The following IMMP2L variants were observed in gnomAD, a reference collection of about 807,000 sequenced individuals.
The protein encoded by IMMP2L is mitochondrial inner membrane protease subunit 2.
In IMMP2L, 18 loss-of-function variants were observed where a neutral mutation model predicts 19.3. That is an observed-to-expected ratio of 0.93 (90% CI 0.64 to 1.38). The LOEUF is 1.38. Among genes scored for constraint, IMMP2L ranks in the 40% most tolerant of loss-of-function variants. The pLI, the probability that IMMP2L is intolerant of heterozygous loss-of-function variation, is 0.00. For synonymous variants in IMMP2L, 76 were observed against 73.0 expected, an observed-to-expected ratio of 1.04 and a Z score of -0.21; for missense variants, 233 against 218.2, an observed-to-expected ratio of 1.07 and a Z score of -0.43.
chr7:111,229,894 G>A (rs1387526925), intron 3 of IMMP2L, among the ~76,000 whole-genome samples: 2 of 151,946 alleles, frequency 1.3e-5, no homozygotes, highest in Non-Finnish European at 2.9e-5. Context: ...TGTAAAGAAC[G>A]GAAGATTATG....
chr7:111,067,618 G>A (rs547615931), intron 3 of IMMP2L, among the ~76,000 whole-genome samples: 2 of 152,114 alleles, frequency 1.3e-5, no homozygotes, highest in African/African-American at 4.8e-5. Context: ...TAATCTGAGT[G>A]GACTATTTAT....
At chr7:111,385,453 G>A (rs116524805) in intron 3 of IMMP2L, among the ~76,000 whole-genome samples, 8 of 152,050 alleles carry the variant, frequency 5.3e-5, no homozygotes, top group Non-Finnish European at 7.4e-5. Flanking sequence ...GACCCATAGC[G>A]CTACCCTAGG....
chr7:111,395,200 G>C (rs547977395), intron 3 of IMMP2L, among the ~76,000 whole-genome samples: 1 of 152,312 alleles, frequency 6.6e-6, no homozygotes, highest in Middle Eastern at 3.4e-3. Flanking sequence ...TAGTCAGACA[G>C]AGCAGGTGTG....
chr7:111,251,740 T>C (rs1483522138), intron 3 of IMMP2L, among the ~76,000 whole-genome samples: 3 of 151,868 alleles, frequency 2.0e-5, no homozygotes, highest in African/African-American at 7.3e-5. Flanking sequence ...CTGGGGCCCA[T>C]TGATGAGGAT....
intron 3 of IMMP2L, among the ~76,000 whole-genome samples, chr7:111,021,093 C>A (rs1483103979): frequency 6.6e-6 from 1 of 152,074 alleles, no homozygotes; most frequent in Admixed American, 6.6e-5. Flanking sequence ...TAAATAGTAA[C>A]CACACTATTC....
At chr7:110,958,304 C>T (rs968032697) in intron 4 of IMMP2L, among the ~76,000 whole-genome samples, 13 of 151,970 alleles carry the variant, frequency 8.6e-5, no homozygotes, top group Non-Finnish European at 1.9e-4. Flanking sequence ...CAATAACAAA[C>T]TTGACCCAAT....
At chr7:111,525,106 T>C (rs1425790056) in intron 1 of IMMP2L, among the ~76,000 whole-genome samples, 3 of 151,740 alleles carry the variant, frequency 2.0e-5, no homozygotes, top group Non-Finnish European at 4.4e-5. Context: ...TACATAAGAG[T>C]TGTAATAAGT....
At chr7:111,501,202 C>A (rs1314361655) in intron 2 of IMMP2L, among the ~76,000 whole-genome samples, 1 of 151,916 alleles carries the variant, frequency 6.6e-6, no homozygotes, top group Non-Finnish European at 1.5e-5. Context: ...CCGATGCGAT[C>A]AACTGGAAGA....
At chr7:110,995,667 A>G (rs542577512) in intron 3 of IMMP2L, among the ~76,000 whole-genome samples, 6 of 152,112 alleles carry the variant, frequency 3.9e-5, no homozygotes, top group Non-Finnish European at 7.4e-5. Context: ...AAGATCTGGC[A>G]GGACCTTACA....
intron 3 of IMMP2L, among the ~76,000 whole-genome samples, chr7:111,433,134 C>T (rs532530301): frequency 3.3e-5 from 5 of 151,752 alleles, no homozygotes; most frequent in African/African-American, 1.2e-4. Flanking sequence ...AGGATACTTA[C>T]AATCATGGCA....
At chr7:111,391,459 C>T (rs1418457167) in intron 3 of IMMP2L, among the ~76,000 whole-genome samples, 2 of 151,998 alleles carry the variant, frequency 1.3e-5, no homozygotes, top group Admixed American at 6.6e-5. Context: ...AAAGGATTAT[C>T]GTATCCAAGA....
chr7:111,397,286 T>A (rs750684692), intron 3 of IMMP2L, among the ~76,000 whole-genome samples: 2 of 152,168 alleles, frequency 1.3e-5, no homozygotes, highest in Non-Finnish European at 2.9e-5. Flanking sequence ...GCACTTTCAA[T>A]ATTCATAGTC....
At chr7:111,258,175 C>T (rs1273724439) in intron 3 of IMMP2L, among the ~76,000 whole-genome samples, 1 of 152,062 alleles carries the variant, frequency 6.6e-6, no homozygotes, top group Non-Finnish European at 1.5e-5. Flanking sequence ...ATAATGATAA[C>T]TAAGAGTTGT....
intron 1 of IMMP2L, among the ~76,000 whole-genome samples, chr7:111,521,992 C>T (rs1235568425): frequency 6.6e-6 from 1 of 151,950 alleles, no homozygotes; most frequent in Non-Finnish European, 1.5e-5. Context: ...AACTGTAATA[C>T]TAACAATTTG....
At chr7:111,145,686 C>A (rs1375625384) in intron 3 of IMMP2L, among the ~76,000 whole-genome samples, 1 of 152,026 alleles carries the variant, frequency 6.6e-6, no homozygotes, top group Non-Finnish European at 1.5e-5. Flanking sequence ...AGGGTGAATG[C>A]TGAGTCTGGT....
chr7:110,831,394 T>C (rs1803956985), intron 5 of IMMP2L, among the ~76,000 whole-genome samples: 1 of 152,182 alleles, frequency 6.6e-6, no homozygotes, highest in South Asian at 2.1e-4. Flanking sequence ...CTTAATTCTG[T>C]CTCCAAAGTC....
chr7:111,318,592 T>C (rs1024345053), intron 3 of IMMP2L, among the ~76,000 whole-genome samples: 2 of 152,140 alleles, frequency 1.3e-5, no homozygotes, highest in African/African-American at 4.8e-5. Flanking sequence ...TATGGATCAA[T>C]TCAAATGAGA....
At chr7:110,696,298 G>A (rs1475587626) in intron 5 of IMMP2L, among the ~76,000 whole-genome samples, 11 of 152,214 alleles carry the variant, frequency 7.2e-5, no homozygotes, top group Admixed American at 7.2e-4. Context: ...GATTTGCTTT[G>A]GGAAAATTAT....
chr7:110,847,355 A>G (rs1805770628), intron 5 of IMMP2L, among the ~76,000 whole-genome samples: 1 of 152,238 alleles, frequency 6.6e-6, no homozygotes, highest in African/African-American at 2.4e-5. Context: ...TTGTACTACC[A>G]TAAAACATGT....
Sources: allele counts gnomAD v4.1 joint callset (sites outside exome capture counted in the v4.1 genomes callset), GRCh38; gene constraint gnomAD v4.1.1; transcripts MANE v1.5; gene names NCBI Gene and HGNC (gene_info 2026-07-23, HGNC 2026-07-21).